SLC7A1: variants seen among roughly 807,000 people sequenced by gnomAD.
SLC7A1 encodes solute carrier family 7 member 1.
A neutral mutation model predicts 53.9 loss-of-function variants in SLC7A1; 10 were observed. The observed-to-expected ratio is 0.19, with a 90% CI of 0.11 to 0.31. SLC7A1 has a LOEUF of 0.31. Among genes scored for constraint, SLC7A1 ranks in the 10% least tolerant of loss-of-function variants. The probability of loss-of-function intolerance (pLI) is 1.00; values close to 1 mark genes in which losing one functional copy is unlikely to be tolerated. For missense variants in SLC7A1, 525 were observed against 827.2 expected (o/e 0.63, Z 4.48); for synonymous variants, 342 against 338.7 (o/e 1.01, Z -0.11).
chr13:29,578,733 C>A (rs928352), intron 1 of SLC7A1, among the ~76,000 whole-genome samples: 18,075 of 152,238 alleles, frequency 0.12, 1,307 homozygotes, highest in African/African-American at 0.2. Context: ...AGCTCCAAAC[C>A]CACTAAGGAT....
chr13:29,579,980 A>G (rs1479991065), intron 1 of SLC7A1, among the ~76,000 whole-genome samples: 1 of 152,112 alleles, frequency 6.6e-6, no homozygotes, highest in Non-Finnish European at 1.5e-5. Flanking sequence ...TTCCCACTCA[A>G]CATCCACTTT....
intron 1 of SLC7A1, among the ~76,000 whole-genome samples, chr13:29,589,748 C>A (rs1233340067): frequency 6.6e-6 from 1 of 152,142 alleles, no homozygotes; most frequent in African/African-American, 2.4e-5. Flanking sequence ...ACAGGGCAGG[C>A]CAGGCCAGGC....
rs1252510064 is a variant in SLC7A1 at position 29,513,751 on chromosome 13, A to G, written c.*729T>C. ...AGCTGAAGGTCCCTGGTTTACATGC[A>G]TGTGCACACACATGCATAAGCAAAG... On this transcript the variant is annotated 3_prime_UTR_variant, in exon 13 of 13. Transcript: ENST00000380752. 6.6e-6 allele frequency: 1 copy of G among 152,540 alleles called. No individual in the cohort carries two copies. Among genetic ancestry groups the G allele is most frequent in the African/African-American group, 2.4e-5 (1 of 41,480 alleles). The allele number at this position is 152,540 out of a possible 1,614,324, so 9.4% of individuals were successfully genotyped here.
intron 4 of SLC7A1, among the ~76,000 whole-genome samples, chr13:29,531,361 C>T (rs1185824917): frequency 6.6e-6 from 1 of 151,986 alleles, no homozygotes; most frequent in Non-Finnish European, 1.5e-5. Flanking sequence ...TGCCCAGGAA[C>T]CTCTGACAGC....
intron 12 of SLC7A1, 127 bp from the exon 13 acceptor site, chr13:29,514,710 C>T (rs1046616491): frequency 2.6e-5 from 17 of 655,742 alleles, no homozygotes; most frequent in Non-Finnish European, 4.2e-5. Flanking sequence ...GGCATGAGCC[C>T]GCAGCCAGCG....
intron 6 of SLC7A1, 134 bp from the exon 7 acceptor site, chr13:29,523,622 T>A: frequency 1.5e-6 from 1 of 670,976 alleles, no homozygotes; most frequent in African/African-American, 1.8e-5. Flanking sequence ...CACTCAGCCC[T>A]GTGGGCACTG....
intron 1 of SLC7A1, among the ~76,000 whole-genome samples, chr13:29,589,652 C>T (rs280914): frequency 0.021 from 3,151 of 152,258 alleles, 106 homozygotes; most frequent in African/African-American, 0.071. Flanking sequence ...GGCGGGTGAC[C>T]GGTGCCAGCA....
chr13:29,553,663 A>G (rs1293483761), intron 2 of SLC7A1, 98 bp downstream of exon 2: 1 of 152,254 alleles, frequency 6.6e-6, no homozygotes, highest in Non-Finnish European at 1.5e-5. Context: ...AGTTAACTTA[A>G]AAAGTCAACA....
rs142642900 is a variant in SLC7A1, at chr13:29,526,259, G to A, written c.705-2006C>T. On this transcript the variant is annotated intron_variant, in intron 5 of 12. Coordinates refer to ENST00000380752, the MANE Select transcript of SLC7A1 (RefSeq NM_003045.5). ...GCGGGAGAATCACCTGAGGCCATAAGTTAGGGACCAGCTTGGGCAACATAG... is the reference window on the plus strand; with the variant it reads ...GCGGGAGAATCACCTGAGGCCATAAATTAGGGACCAGCTTGGGCAACATAG... Among the ~76,000 whole-genome samples, 3 of 152,284 alleles carry A rather than the reference G, an allele frequency of 2.0e-5. No individual in the cohort carries two copies. In the East Asian group the frequency reaches 5.8e-4, roughly 29 times the overall value.
At chr13:29,553,289 G>A (rs983902407) in intron 2 of SLC7A1, among the ~76,000 whole-genome samples, 1 of 152,264 alleles carries the variant, frequency 6.6e-6, no homozygotes, top group East Asian at 1.9e-4. Context: ...GAGTCACAGA[G>A]AGAAACATGG....
At position 29,523,392 on chromosome 13, in the gene SLC7A1, A is replaced by C. The variant is rs1251055207; in HGVS notation, c.923T>G (p.Leu308Arg). The C allele has an allele frequency of 6.2e-7, 1 of 1,613,832 alleles. No homozygotes were observed. The highest frequency in any genetic ancestry group is 1.7e-5 in the Admixed American group (1 of 60,024). The part of the protein sequence containing the change: ...FIAYFGVSAA[L>R]TLMMPYFCLD... ...GCAGAAGTAGGGCATCATGAGCGTG[A>C]GGGCAGCCGACACCCCAAAGTAGGC... The change falls in exon 7 of 13, where the codon CTC (leucine) becomes CGC (arginine). Residue 308 changes from leucine (L) to arginine (R), a missense_variant. Leu to Arg is a moderately radical substitution (Grantham distance 102). Around this residue, in one of 4 missense-constraint regions of SLC7A1, gnomAD observed 354 missense variants for 587.5 expected, o/e 0.60. Transcript: ENST00000380752.
intron 1 of SLC7A1, among the ~76,000 whole-genome samples, chr13:29,583,545 A>G (rs1332775567): frequency 6.6e-6 from 1 of 152,188 alleles, no homozygotes; most frequent in East Asian, 1.9e-4. Context: ...TCCCTTGCAG[A>G]TGCTCCACAC....
intron 12 of SLC7A1, among the ~76,000 whole-genome samples, 165 bp from the exon 13 acceptor site, chr13:29,514,748 C>A (rs1883505182): frequency 6.6e-6 from 1 of 152,196 alleles, no homozygotes; most frequent in South Asian, 2.1e-4. Flanking sequence ...ACATCTGGAG[C>A]AGCTGCCACA....
At chr13:29,524,574 C>T (rs1178521968) in intron 5 of SLC7A1, among the ~76,000 whole-genome samples, 1 of 152,158 alleles carries the variant, frequency 6.6e-6, no homozygotes, top group African/African-American at 2.4e-5. Context: ...AAACCAGCCA[C>T]GCGGCCAGTC....
At chr13:29,537,658 T>C (rs76660462) in intron 2 of SLC7A1, among the ~76,000 whole-genome samples, 179 of 152,338 alleles carry the variant, frequency 1.2e-3, no homozygotes, top group African/African-American at 4.2e-3. Flanking sequence ...AGCTCTGTAC[T>C]CTTCACAATT....
chr13:29,574,189 G>A (rs59012243), intron 1 of SLC7A1, among the ~76,000 whole-genome samples: 6,637 of 152,216 alleles, frequency 0.044, 481 homozygotes, highest in African/African-American at 0.15. Flanking sequence ...AGTTTACAAA[G>A]GGATGAAGAT....
At chr13:29,567,502 T>C (rs1472058439) in intron 1 of SLC7A1, among the ~76,000 whole-genome samples, 1 of 152,150 alleles carries the variant, frequency 6.6e-6, no homozygotes, top group Non-Finnish European at 1.5e-5. Context: ...CCCAACTCAG[T>C]GAGTGGGAGA....
intron 2 of SLC7A1, among the ~76,000 whole-genome samples, chr13:29,551,873 C>G (rs557649144): frequency 9.9e-5 from 15 of 152,216 alleles, no homozygotes; most frequent in African/African-American, 3.4e-4. Flanking sequence ...GGAAGGTGCA[C>G]CTGGTAATTC....
intron 1 of SLC7A1, among the ~76,000 whole-genome samples, chr13:29,573,311 G>A (rs1871275833): frequency 6.6e-6 from 1 of 152,126 alleles, no homozygotes; most frequent in Non-Finnish European, 1.5e-5. Flanking sequence ...TCTGAAACGA[G>A]GAACTTGGAT....
Sources: gnomAD v4.1 joint callset for allele counts (sites outside exome capture counted in the v4.1 genomes callset) on GRCh38, gnomAD v4.1.1 for gene constraint, gnomAD v4.1.1 regional missense constraint, MANE v1.5 for transcripts, NCBI Gene and HGNC (gene_info 2026-07-23, HGNC 2026-07-21) for gene names.